KATNBL1: variants seen among roughly 807,000 people sequenced by gnomAD.
The protein encoded by KATNBL1 is KATNB1-like protein 1.
A neutral mutation model predicts 44.7 loss-of-function variants in KATNBL1; 28 were observed. The ratio of observed to expected loss-of-function variants is 0.63; its 90% CI spans 0.46 to 0.86. The LOEUF (loss-of-function observed/expected upper bound fraction) is 0.86. KATNBL1 is among the 40% of genes least tolerant of loss of function. The pLI is 0.00. For synonymous variants in KATNBL1, 78 were observed against 114.9 expected (o/e 0.68, Z 2.06); for missense variants, 272 against 350.7 (o/e 0.78, Z 1.79).
intron 1 of KATNBL1, among the ~76,000 whole-genome samples, chr15:34,183,935 G>A (rs997633276): frequency 2.0e-5 from 3 of 152,120 alleles, no homozygotes; most frequent in Non-Finnish European, 4.4e-5. Flanking sequence ...CTGGGAGGCC[G>A]AGGCAGGTGG....
At chr15:34,200,260 CTTTT>C (rs964530272) in intron 1 of KATNBL1, among the ~76,000 whole-genome samples, 1 of 148,174 alleles carries the variant, frequency 6.7e-6, no homozygotes. Flanking sequence ...TCTCTCTCTT[CTTTT>C]TTTTTTGAGA....
intron 1 of KATNBL1, among the ~76,000 whole-genome samples, chr15:34,170,285 T>C (rs1369858389): frequency 3.3e-5 from 5 of 152,212 alleles, no homozygotes; most frequent in African/African-American, 1.2e-4. Flanking sequence ...AGCATTCCTA[T>C]ATACCAATAA....
intron 2 of KATNBL1, among the ~76,000 whole-genome samples, chr15:34,163,045 C>CTTTTT (rs35514072): frequency 7.0e-6 from 1 of 142,546 alleles, no homozygotes; most frequent in Non-Finnish European, 1.5e-5. Context: ...TGACTAAAAA[C>CTTTTT]TTTTTTTTTT....
intron 1 of KATNBL1, among the ~76,000 whole-genome samples, chr15:34,169,566 G>T (rs1028383289): frequency 1.3e-5 from 2 of 152,098 alleles, no homozygotes; most frequent in Non-Finnish European, 2.9e-5. Context: ...AGAAAAAGAG[G>T]GAATCCTCCC....
chr15:34,151,035 T>C (rs2140906752), intron 4 of KATNBL1, among the ~76,000 whole-genome samples: 1 of 152,344 alleles, frequency 6.6e-6, no homozygotes, highest in South Asian at 2.1e-4. Context: ...ATTGATTCCT[T>C]GTCTTTGCTA....
intron 1 of KATNBL1, chr15:34,199,564 C>T (rs2705356): frequency 1.3e-5 from 2 of 152,232 alleles, no homozygotes; most frequent in African/African-American, 4.8e-5. Context: ...CCAGTTAGTT[C>T]TTGGTCTTGC....
intron 1 of KATNBL1, among the ~76,000 whole-genome samples, chr15:34,170,518 T>C (rs1597443097): frequency 6.6e-6 from 1 of 152,266 alleles, no homozygotes; most frequent in South Asian, 2.1e-4. Flanking sequence ...CTGCCCAAGG[T>C]AATTTATAGA....
At chr15:34,177,199 C>T (rs8025406) in intron 1 of KATNBL1, among the ~76,000 whole-genome samples, 84,616 of 151,954 alleles carry the variant, frequency 0.56, 24,496 homozygotes, top group East Asian at 0.71. Flanking sequence ...TGCTAATACC[C>T]TTAGTGTATT....
At chr15:34,192,736 C>T (rs966978198) in intron 1 of KATNBL1, among the ~76,000 whole-genome samples, 1 of 152,142 alleles carries the variant, frequency 6.6e-6, no homozygotes, top group Non-Finnish European at 1.5e-5. Context: ...GAGAAGGATG[C>T]ATAGAAGAAG....
intron 1 of KATNBL1, among the ~76,000 whole-genome samples, chr15:34,196,739 A>C (rs141668886): frequency 1.2e-4 from 19 of 152,334 alleles, no homozygotes; most frequent in African/African-American, 1.7e-4. Flanking sequence ...AAAAGAAAGA[A>C]AGAAAGAAAG....
chr15:34,166,738 A>G (rs570467927), intron 1 of KATNBL1, among the ~76,000 whole-genome samples: 19 of 152,312 alleles, frequency 1.2e-4, no homozygotes, highest in African/African-American at 4.6e-4. Flanking sequence ...TGAAGCTTCC[A>G]GAGGAAGGAT....
At chr15:34,174,328 G>C (rs1889257496) in intron 1 of KATNBL1, among the ~76,000 whole-genome samples, 1 of 152,020 alleles carries the variant, frequency 6.6e-6, no homozygotes, top group African/African-American at 2.4e-5. Context: ...AAACACTATA[G>C]GGAAATCAAA....
intron 1 of KATNBL1, among the ~76,000 whole-genome samples, chr15:34,200,613 G>A (rs1179894372): frequency 6.6e-6 from 1 of 151,998 alleles, no homozygotes; most frequent in Non-Finnish European, 1.5e-5. Context: ...GAGAAATAAC[G>A]TCAAACTCGG....
chr15:34,174,758 G>A (rs1889273774), intron 1 of KATNBL1, among the ~76,000 whole-genome samples: 3 of 151,812 alleles, frequency 2.0e-5, no homozygotes, highest in African/African-American at 4.8e-5. Flanking sequence ...GCATTCAAGC[G>A]ATTCTCCTGC....
rs1888131418 is a variant in KATNBL1, at chr15:34,140,719, G to GAGATA, written c.*1615_*1619dup. 1 of 152,144 alleles carries GAGATA rather than the reference G, an allele frequency of 6.6e-6. No individual in the cohort carries two copies. Among genetic ancestry groups the GAGATA allele is most frequent in the Non-Finnish European group, 1.5e-5 (1 of 67,990 alleles). 9.4% of individuals were successfully genotyped at this position (152,144 alleles called of 1,614,324 possible). A position where few individuals can be genotyped will look rare whatever the true frequency, so the allele number is the denominator to read the frequency against. ...ATTTTATCATGTTAAAAGTTTCACA[G>GAGATA]AGATAACAGGTTTACAATTCAAATT... On this transcript the variant is annotated 3_prime_UTR_variant, in exon 10 of 10. Coordinates refer to ENST00000256544, the MANE Select transcript of KATNBL1 (RefSeq NM_024713.3).
At chr15:34,182,630 A>C (rs1889602099) in intron 1 of KATNBL1, among the ~76,000 whole-genome samples, 1 of 152,198 alleles carries the variant, frequency 6.6e-6, no homozygotes, top group African/African-American at 2.4e-5. Flanking sequence ...AGACTGGTTT[A>C]TTCATGATTT....
At position 34,140,917 on chromosome 15, in the gene KATNBL1, A is replaced by G. The variant is rs932789330; in HGVS notation, c.*1422T>C. 6.6e-5 allele frequency: 10 copies of G among 152,180 alleles called. No individual in the cohort carries two copies. Among genetic ancestry groups the G allele is most frequent in the African/African-American group, 2.4e-4 (10 of 41,452 alleles). The allele number at this position is 152,180 out of a possible 1,614,324, so 9.4% of individuals were successfully genotyped here. On this transcript the variant is annotated 3_prime_UTR_variant, in exon 10 of 10. Transcript: ENST00000256544. Reference sequence around the variant, plus strand: ...ATATAGCTACACAAAACCAGAACTCAGTGAAACATAACTTTTAAGAGCAAG... The same window carrying G: ...ATATAGCTACACAAAACCAGAACTCGGTGAAACATAACTTTTAAGAGCAAG...
intron 5 of KATNBL1, 70 bp downstream of exon 5, chr15:34,148,562 T>G: frequency 1.1e-6 from 1 of 901,182 alleles, no homozygotes; most frequent in Non-Finnish European, 1.8e-6. Flanking sequence ...TACTCCAACT[T>G]GGATGACAAA....
chr15:34,150,809 C>A (rs1888446925), intron 4 of KATNBL1, among the ~76,000 whole-genome samples: 1 of 152,140 alleles, frequency 6.6e-6, no homozygotes, highest in African/African-American at 2.4e-5. Flanking sequence ...ATCTTTGTGT[C>A]CATATGCACT....
Sources: allele counts gnomAD v4.1 joint callset (sites outside exome capture counted in the v4.1 genomes callset), GRCh38; gene constraint gnomAD v4.1.1; transcripts MANE v1.5; gene names NCBI Gene and HGNC (gene_info 2026-07-23, HGNC 2026-07-21).